The following PCDH7 variants were observed in gnomAD, a reference collection of about 807,000 sequenced individuals.
PCDH7 encodes protocadherin-7.
In PCDH7, 17 loss-of-function variants were observed where a neutral mutation model predicts 58.9. The ratio of observed to expected loss-of-function variants is 0.29; its 90% CI spans 0.20 to 0.43. The LOEUF is 0.43. Ranked by LOEUF, PCDH7 falls within the 20% of genes least tolerant of loss-of-function variation. The probability of loss-of-function intolerance (pLI) is 1.00; values close to 1 mark genes in which losing one functional copy is unlikely to be tolerated. For missense variants in PCDH7, 1,274 were observed against 1,441.0 expected (o/e 0.88, Z 1.88); for synonymous variants, 664 against 616.4 (o/e 1.08, Z -1.14).
chr4:30,933,654 A>C (rs1744961776), intron 2 of PCDH7, among the ~76,000 whole-genome samples: 1 of 151,500 alleles, frequency 6.6e-6, no homozygotes, highest in Non-Finnish European at 1.5e-5. Context: ...GTGTCTTTCC[A>C]CTCTCTAAAC....
chr4:30,888,004 T>C (rs2109379389), intron 1 of PCDH7, among the ~76,000 whole-genome samples: 1 of 151,966 alleles, frequency 6.6e-6, no homozygotes, highest in African/African-American at 2.4e-5. Context: ...GCCTCCCGAG[T>C]AGCTGGGACT....
At chr4:31,009,407 G>T (rs13143186) in intron 3 of PCDH7, among the ~76,000 whole-genome samples, 6,763 of 151,942 alleles carry the variant, frequency 0.045, 362 homozygotes, top group East Asian at 0.28. Context: ...GAATGAAGGT[G>T]TGCATACATT....
At chr4:30,922,042 T>G (rs933684059) in intron 2 of PCDH7, among the ~76,000 whole-genome samples, 5 of 151,774 alleles carry the variant, frequency 3.3e-5, no homozygotes, top group Non-Finnish European at 7.4e-5. Flanking sequence ...TGTAATTACA[T>G]GTATGTAGCC....
At chr4:30,931,116 T>A (rs1234110485) in intron 2 of PCDH7, among the ~76,000 whole-genome samples, 1 of 151,744 alleles carries the variant, frequency 6.6e-6, no homozygotes, top group African/African-American at 2.4e-5. Flanking sequence ...ATGAAGAGAG[T>A]TAGGACATTT....
intron 1 of PCDH7, among the ~76,000 whole-genome samples, chr4:30,880,127 G>A (rs1048796898): frequency 7.9e-5 from 12 of 151,840 alleles, no homozygotes; most frequent in African/African-American, 2.9e-4. Context: ...TAACTTCTTG[G>A]GAAAATGCAA....
At chr4:30,911,323 C>A (rs1188904074) in intron 1 of PCDH7, among the ~76,000 whole-genome samples, 7 of 128,578 alleles carry the variant, frequency 5.4e-5, no homozygotes, top group East Asian at 4.1e-4. Context: ...AAAAATCACC[C>A]CCCCCCCCAA....
At chr4:30,966,481 A>C (rs1172080312) in intron 3 of PCDH7, among the ~76,000 whole-genome samples, 1 of 152,170 alleles carries the variant, frequency 6.6e-6, no homozygotes, top group East Asian at 1.9e-4. Flanking sequence ...CAAATTACAG[A>C]GTAATAGCTC....
intron 1 of PCDH7, among the ~76,000 whole-genome samples, chr4:30,850,533 T>A (rs1428967505): frequency 2.0e-5 from 3 of 152,106 alleles, no homozygotes; most frequent in Non-Finnish European, 4.4e-5. Context: ...GGTTTTTCTT[T>A]TTTATTAGGT....
chr4:30,847,627 T>A (rs959729903), intron 1 of PCDH7, among the ~76,000 whole-genome samples: 1 of 152,084 alleles, frequency 6.6e-6, no homozygotes, highest in East Asian at 1.9e-4. Context: ...TAGTGAAACT[T>A]TTTTTTAAAA....
At chr4:31,005,179 G>A (rs1461871285) in intron 3 of PCDH7, among the ~76,000 whole-genome samples, 2 of 152,186 alleles carry the variant, frequency 1.3e-5, no homozygotes, top group Non-Finnish European at 2.9e-5. Context: ...CTCGGCAGAT[G>A]TTAGTTGTTT....
intron 1 of PCDH7, among the ~76,000 whole-genome samples, chr4:30,811,501 A>G (rs1232677337): frequency 6.6e-6 from 1 of 152,146 alleles, no homozygotes. Context: ...ATGAAGTGCT[A>G]TGGAAAAAAG....
chr4:30,879,738 A>G (rs1736727740), intron 1 of PCDH7, among the ~76,000 whole-genome samples: 1 of 152,174 alleles, frequency 6.6e-6, no homozygotes, highest in Non-Finnish European at 1.5e-5. Flanking sequence ...AGATACTGAC[A>G]TCATACTGAA....
chr4:31,013,620 T>C lies in PCDH7; in HGVS notation c.*7+63405T>C, dbSNP rs917733154. Among the ~76,000 whole-genome samples the C allele has an allele frequency of 1.2e-3, 155 of 132,102 alleles. 1 individual carries two copies. Among genetic ancestry groups the C allele is most frequent in the African/African-American group, 3.5e-3 (117 of 33,324 alleles). 86.7% of individuals were successfully genotyped at this position (132,102 alleles called of 152,430 possible). A position where few individuals can be genotyped will look rare whatever the true frequency, so the allele number is the denominator to read the frequency against. ...ACACACACACACACACACACACACA[T>C]ATATCTGCACATACTGTTTCTCTGG... On this transcript the variant is annotated intron_variant, in intron 3 of 3. Transcript: ENST00000509759.
intron 1 of PCDH7, among the ~76,000 whole-genome samples, chr4:30,772,736 C>T (rs1721575780): frequency 6.6e-6 from 1 of 152,168 alleles, no homozygotes; most frequent in African/African-American, 2.4e-5. Flanking sequence ...TAAACACTTA[C>T]TGTGTGCCCA....
At chr4:30,793,993 C>A (rs1025630330) in intron 1 of PCDH7, 1 of 152,140 alleles carries the variant, frequency 6.6e-6, no homozygotes, top group African/African-American at 2.4e-5. Flanking sequence ...GAAATATGCA[C>A]CTTAGAAGTC....
intron 1 of PCDH7, among the ~76,000 whole-genome samples, chr4:30,765,125 C>CTTTTTTTTTTT (rs10692198): frequency 0.2 from 9,804 of 49,206 alleles, 2,866 homozygotes; most frequent in Non-Finnish European, 0.28. Context: ...ACTTCAGATG[C>CTTTTTTTTTTT]TTTTTTTTTT....
chr4:30,835,919 A>G (rs1168524061), intron 1 of PCDH7, among the ~76,000 whole-genome samples: 12 of 152,212 alleles, frequency 7.9e-5, no homozygotes, highest in Admixed American at 7.9e-4. Context: ...AAATCACAAC[A>G]TATGAAAAAG....
chr4:30,983,406 A>G (rs1204683758), intron 3 of PCDH7, among the ~76,000 whole-genome samples: 1 of 152,224 alleles, frequency 6.6e-6, no homozygotes. Context: ...TGAGTGGAGG[A>G]CTAGTTTGTT....
Position 30,850,751 on chromosome 4 carries a change from C to T in PCDH7, c.71-69402C>T, listed in dbSNP as rs565233135. Among the ~76,000 whole-genome samples, 5 of 152,226 alleles carry T rather than the reference C, an allele frequency of 3.3e-5. No individual in the cohort carries two copies. The South Asian group carries it at 1.0e-3, about 32-fold the overall frequency. ...TACCAGACACCAGTCTAGCCTGTTG[C>T]CCACTGCCTGCTTATTCCTAGTCCC... On this transcript the variant is annotated intron_variant, in intron 1 of 3. Transcript: ENST00000509759.
Sources: gnomAD v4.1 joint callset for allele counts (sites outside exome capture counted in the v4.1 genomes callset) on GRCh38, gnomAD v4.1.1 for gene constraint, MANE v1.5 for transcripts, NCBI Gene and HGNC (gene_info 2026-07-23, HGNC 2026-07-21) for gene names.